PGAP1: variants seen among roughly 807,000 people sequenced by gnomAD.
The protein encoded by PGAP1 is post-GPI attachment to proteins inositol deacylase 1, also known as GPI inositol-deacylase.
A neutral mutation model predicts 127.0 loss-of-function variants in PGAP1; 76 were observed. The observed-to-expected ratio is 0.60, with a 90% CI of 0.50 to 0.72. The LOEUF (loss-of-function observed/expected upper bound fraction) is 0.72, where lower values mean the gene tolerates loss of function less well. Among genes scored for constraint, PGAP1 ranks in the 30% least tolerant of loss-of-function variants. The pLI is 0.00. For synonymous variants in PGAP1, 362 were observed against 366.5 expected (o/e 0.99, Z 0.14); for missense variants, 982 against 1,071.3 (o/e 0.92, Z 1.16).
chr2:196,922,672 C>CTTT (rs763237138), intron 1 of PGAP1: 12 of 115,256 alleles, frequency 1.0e-4, no homozygotes, highest in Non-Finnish European at 1.5e-4. Flanking sequence ...TTCTTACCTA[C>CTTT]TTTTTTTTTT....
At chr2:196,907,012 G>C (rs1368164673) in intron 4 of PGAP1, among the ~76,000 whole-genome samples, 2 of 142,040 alleles carry the variant, frequency 1.4e-5, no homozygotes, top group Non-Finnish European at 3.0e-5. Context: ...ATGGAACCAA[G>C]TTGGAAAACA....
intron 10 of PGAP1, among the ~76,000 whole-genome samples, chr2:196,886,747 G>T (rs1301769595): frequency 1.3e-5 from 2 of 151,816 alleles, no homozygotes; most frequent in Non-Finnish European, 2.9e-5. Flanking sequence ...CACCAGGCTG[G>T]AGTGCAGTGG....
intron 21 of PGAP1, 80 bp from the exon 22 acceptor site, chr2:196,847,280 T>C (rs1029488336): frequency 1.9e-6 from 2 of 1,034,904 alleles, no homozygotes; most frequent in Non-Finnish European, 2.9e-6. Context: ...GTCTGACTAT[T>C]CAAGAGAGTC....
At position 196,920,138 on chromosome 2, in the gene PGAP1, G is replaced by C. The variant is rs1703141076; in HGVS notation, c.160C>G (p.Pro54Ala). Reference sequence around the variant, plus strand: ...GGATAGCGTTTTGCCAGTTTCTTTGGAAGTTCTATTTTCTACATTTAAAAA... The same window carrying C: ...GGATAGCGTTTTGCCAGTTTCTTTGCAAGTTCTATTTTCTACATTTAAAAA... ...EYPEYQKIEL[P>A]KKLAKRYPAY... The change falls in exon 2 of 27, where the codon CCA becomes GCA. Residue 54 changes from proline (P) to alanine (A), a missense_variant. Transcript: ENST00000354764. 3 of 1,602,056 alleles carry C rather than the reference G, an allele frequency of 1.9e-6. No individual in the cohort carries two copies. The highest frequency in any genetic ancestry group is 2.6e-6 in the Non-Finnish European group (3 of 1,175,052).
intron 1 of PGAP1, among the ~76,000 whole-genome samples, chr2:196,925,513 T>A (rs1703330640): frequency 6.6e-6 from 1 of 152,064 alleles, no homozygotes; most frequent in Non-Finnish European, 1.5e-5. Flanking sequence ...TTCGGAAAAA[T>A]TCTCTTAGGA....
chr2:196,914,866 C>T (rs36088520), intron 3 of PGAP1, among the ~76,000 whole-genome samples: 18,505 of 148,690 alleles, frequency 0.12, 1,252 homozygotes, highest in Middle Eastern at 0.19. Context: ...CAGGCTGGAG[C>T]GCAGTGGCAC....
chr2:196,856,947 T>C (rs1329286719), intron 20 of PGAP1, among the ~76,000 whole-genome samples: 1 of 152,238 alleles, frequency 6.6e-6, no homozygotes, highest in Non-Finnish European at 1.5e-5. Flanking sequence ...TAATTCTCAT[T>C]GTGGAGATCT....
At chr2:196,850,012 G>T (rs1027758222) in intron 20 of PGAP1, among the ~76,000 whole-genome samples, 2 of 152,134 alleles carry the variant, frequency 1.3e-5, no homozygotes, top group African/African-American at 4.8e-5. Flanking sequence ...GAATTAAGAG[G>T]TATCAGCAGA....
intron 2 of PGAP1, 105 bp downstream of exon 2, chr2:196,919,892 C>A: frequency 1.7e-6 from 2 of 1,155,408 alleles, no homozygotes; most frequent in South Asian, 1.6e-5. Flanking sequence ...ACTTCACACA[C>A]AGCATGCATT....
chr2:196,913,493 T>C (rs1166127470), intron 3 of PGAP1, among the ~76,000 whole-genome samples: 1 of 152,254 alleles, frequency 6.6e-6, no homozygotes, highest in Non-Finnish European at 1.5e-5. Context: ...CATGTTGTTA[T>C]CTTTTATCTC....
At chr2:196,842,932 G>C (rs904630737) in intron 25 of PGAP1, 107 bp from the exon 26 acceptor site, 4 of 459,592 alleles carry the variant, frequency 8.7e-6, no homozygotes, top group Non-Finnish European at 1.5e-5. Flanking sequence ...TAGCAATATG[G>C]ATATAAGAGA....
Position 196,847,817 on chromosome 2 carries a change from A to G in PGAP1, c.1952+130T>C, listed in dbSNP as rs1183988628. On this transcript the variant is annotated intron_variant, in intron 21 of 26. Transcript: ENST00000354764. ...TTATTAGACCTTTGCCTAAGAGAAA[A>G]AAAAAACCTCATTTAATGAAACAAG... 5 of 613,896 alleles carry G rather than the reference A, an allele frequency of 8.1e-6. No individual in the cohort carries two copies. In the African/African-American group the frequency reaches 9.6e-5, roughly 12 times the overall value. 38.0% of individuals were successfully genotyped at this position (613,896 alleles called of 1,614,324 possible).
chr2:196,905,503 G>A (rs1362013599), intron 4 of PGAP1, among the ~76,000 whole-genome samples: 1 of 151,836 alleles, frequency 6.6e-6, no homozygotes, highest in Non-Finnish European at 1.5e-5. Flanking sequence ...TGGCAATGCT[G>A]TTATGTTAAG....
intron 10 of PGAP1, among the ~76,000 whole-genome samples, chr2:196,889,438 T>A (rs1185848870): frequency 6.6e-6 from 1 of 151,406 alleles, no homozygotes; most frequent in African/African-American, 2.4e-5. Context: ...AGATCTTGGT[T>A]CTAAATAAAT....
At position 196,840,083 on chromosome 2, in the gene PGAP1, G is replaced by C. The variant is rs1050708177; in HGVS notation, c.*1151C>G. On this transcript the variant is annotated 3_prime_UTR_variant, in exon 27 of 27. Transcript: ENST00000354764. ...CTAAAAGTGACGTAAATTCTGAAATGAAATAAAATGTTACTCTTATTTGTC... is the reference window on the plus strand; with the variant it reads ...CTAAAAGTGACGTAAATTCTGAAATCAAATAAAATGTTACTCTTATTTGTC... The C allele has an allele frequency of 1.3e-5, 2 of 152,108 alleles. No individual in the cohort carries two copies. Among genetic ancestry groups the C allele is most frequent in the Non-Finnish European group, 2.9e-5 (2 of 67,984 alleles). 9.4% of individuals were successfully genotyped at this position (152,108 alleles called of 1,614,324 possible).
intron 24 of PGAP1, 75 bp downstream of exon 24, chr2:196,844,449 T>A (rs1559328448): frequency 3.2e-6 from 3 of 933,646 alleles, no homozygotes; most frequent in Non-Finnish European, 4.7e-6. Flanking sequence ...ATACTAACCT[T>A]AAAAAAAAAA....
At chr2:196,887,407 AAAAC>A (rs918444575) in intron 10 of PGAP1, among the ~76,000 whole-genome samples, 3 of 151,962 alleles carry the variant, frequency 2.0e-5, no homozygotes, top group African/African-American at 4.8e-5. Context: ...AAACAAAACA[AAAAC>A]AAACAAACAA....
chr2:196,898,459 A>T (rs1387796026), intron 5 of PGAP1, 90 bp from the exon 6 acceptor site: 7 of 841,904 alleles, frequency 8.3e-6, no homozygotes, highest in Non-Finnish European at 1.4e-5. Context: ...ATTTAGAAAC[A>T]CATAATATAG....
At position 196,902,071 on chromosome 2, in the gene PGAP1, G is replaced by T. The variant is rs186204652; in HGVS notation, c.807+514C>A. 3.3e-5 allele frequency among the ~76,000 whole-genome samples: 5 copies of T among 152,196 alleles called. No individual in the cohort carries two copies. The East Asian group carries it at 9.7e-4, about 29-fold the overall frequency. On this transcript the variant is annotated intron_variant, in intron 5 of 26. Transcript: ENST00000354764. ...GTCTTGTTCTGTCATCCAGGCTGAGGTGCAGTGATAAAATCACAGCTCACT... is the reference window on the plus strand; with the variant it reads ...GTCTTGTTCTGTCATCCAGGCTGAGTTGCAGTGATAAAATCACAGCTCACT...
Sources: allele counts gnomAD v4.1 joint callset (sites outside exome capture counted in the v4.1 genomes callset), GRCh38; gene constraint gnomAD v4.1.1; transcripts MANE v1.5; gene names NCBI Gene and HGNC (gene_info 2026-07-23, HGNC 2026-07-21).